IP6K3: variants seen among roughly 807,000 people sequenced by gnomAD.
IP6K3 encodes ATP:1D-myo-inositol-hexakisphosphate phosphotransferase.
Under a neutral mutation model 28.8 loss-of-function variants are expected in IP6K3, and 20 were observed. That is an observed-to-expected ratio of 0.70 (90% CI 0.49 to 1.01). IP6K3 has a LOEUF of 1.01. IP6K3 is among the 50% of genes least tolerant of loss of function. The pLI, the probability that IP6K3 is intolerant of heterozygous loss-of-function variation, is 0.00. For missense variants in IP6K3, 480 were observed against 537.1 expected (o/e 0.89, Z 1.05); for synonymous variants, 213 against 221.3 (o/e 0.96, Z 0.33).
In IP6K3 at chr6:33,728,261, T is replaced by C. The variant is rs766785054; in HGVS notation, c.239A>G (p.His80Arg). ...TVHLWKDSTG[H>R]LSLVANPVKE... ...CACTGGGTTGGCAACCAAGCTGAGATGGCCTGTGCTGTCTTTCCAGAGGTG... is the reference window on the plus strand; with the variant it reads ...CACTGGGTTGGCAACCAAGCTGAGACGGCCTGTGCTGTCTTTCCAGAGGTG... Residue 80 changes from histidine (H) to arginine (R), a missense_variant, in exon 3 of 6, where the codon CAT becomes CGT. Transcript: ENST00000293756. 3.1e-6 allele frequency: 5 copies of C among 1,614,198 alleles called. No homozygotes were observed. In the South Asian group the frequency reaches 5.5e-5, roughly 18 times the overall value.
intron 2 of IP6K3, among the ~76,000 whole-genome samples, chr6:33,731,825 T>C (rs1166902561): frequency 6.6e-6 from 1 of 152,020 alleles, no homozygotes; most frequent in African/African-American, 2.4e-5. Context: ...GGACAAGGCC[T>C]TGGAGGCCCA....
chr6:33,760,978 T>A, the IP6K3 span, among the ~76,000 whole-genome samples: 48,792 of 150,510 alleles, frequency 0.32, 9,366 homozygotes, highest in East Asian at 0.75. Context: ...CAAACCTACT[T>A]GTAGGTGAGA....
intron 1 of IP6K3, among the ~76,000 whole-genome samples, chr6:33,736,419 T>C (rs1004451711): frequency 6.6e-6 from 1 of 151,552 alleles, no homozygotes; most frequent in Non-Finnish European, 1.5e-5. Context: ...TATTTATTTA[T>C]TTAGAGACAG....
rs1766141079 is a variant in IP6K3 at position 33,726,920 on chromosome 6, G to T, written c.414-14C>A. ...GCCTTGGCCGGGCTGCGGCGGAGTG[G>T]AGCACAGGACGGTCAGAGCAGAGGT... On this transcript the variant is annotated splice_polypyrimidine_tract_variant and intron_variant, in intron 3 of 5. Transcript: ENST00000293756. 6.3e-7 allele frequency: 1 copy of T among 1,590,350 alleles called. No homozygotes were observed. Among genetic ancestry groups the T allele is most frequent in the Non-Finnish European group, 8.6e-7 (1 of 1,162,844 alleles).
chr6:33,759,495 G>A, the IP6K3 span, among the ~76,000 whole-genome samples: 7 of 152,176 alleles, frequency 4.6e-5, no homozygotes, highest in East Asian at 1.9e-4. Flanking sequence ...CTCCCGAAGC[G>A]TGGGGTTTAC....
intron 1 of IP6K3, among the ~76,000 whole-genome samples, chr6:33,743,306 G>A (rs887168224): frequency 6.6e-6 from 1 of 152,222 alleles, no homozygotes; most frequent in Non-Finnish European, 1.5e-5. Flanking sequence ...GTGGCAGACG[G>A]CAAAGCAGCA....
In IP6K3 at chr6:33,746,063, A is replaced by C. The variant is rs1208371126; in HGVS notation, c.-180+695T>G. On this transcript the variant is annotated intron_variant, in intron 1 of 5. Coordinates refer to ENST00000293756, the MANE Select transcript of IP6K3 (RefSeq NM_054111.5). The surrounding 1 kb of genome is among the most constrained non-coding windows in gnomAD (Gnocchi z 6.5). ...ATGGGGGGTTTAAGGCCCCCAAGGCAAGCTCAGTTCTCAGGTTCACTAGGG... is the reference window on the plus strand; with the variant it reads ...ATGGGGGGTTTAAGGCCCCCAAGGCCAGCTCAGTTCTCAGGTTCACTAGGG... Among the ~76,000 whole-genome samples the C allele has an allele frequency of 6.6e-6, 1 of 152,174 alleles. No individual in the cohort carries two copies. The highest frequency in any genetic ancestry group is 1.5e-5 in the Non-Finnish European group (1 of 68,024).
intron 2 of IP6K3, among the ~76,000 whole-genome samples, chr6:33,733,115 C>T (rs1461261342): frequency 4.6e-5 from 7 of 152,248 alleles, no homozygotes; most frequent in Admixed American, 2.0e-4. Flanking sequence ...TAGGTGGTTT[C>T]TGAAGGGTGT....
At chr6:33,743,092 C>T (rs1766784188) in intron 1 of IP6K3, among the ~76,000 whole-genome samples, 2 of 152,172 alleles carry the variant, frequency 1.3e-5, no homozygotes, top group East Asian at 1.9e-4. Context: ...TGGAGGGGGA[C>T]GGAGAGTGAG....
chr6:33,743,589 A>G (rs1055213520), intron 1 of IP6K3, among the ~76,000 whole-genome samples: 19 of 152,152 alleles, frequency 1.2e-4, no homozygotes, highest in African/African-American at 4.1e-4. Context: ...TCCAGGGGGA[A>G]AAATGGAGTT....
chr6:33,731,747 G>C (rs1435806893), intron 2 of IP6K3, among the ~76,000 whole-genome samples: 1 of 152,068 alleles, frequency 6.6e-6, no homozygotes, highest in East Asian at 1.9e-4. Flanking sequence ...CAGGCTTCTC[G>C]GTGCTTGACC....
chr6:33,758,655 A>C, the IP6K3 span, among the ~76,000 whole-genome samples: 1 of 152,130 alleles, frequency 6.6e-6, no homozygotes, highest in Non-Finnish European at 1.5e-5. Flanking sequence ...GCTGGAGTGC[A>C]GTGGCGCGAA....
chr6:33,740,920 T>G (rs12206523), intron 1 of IP6K3, among the ~76,000 whole-genome samples: 5,315 of 152,310 alleles, frequency 0.035, 125 homozygotes, highest in Non-Finnish European at 0.05. Flanking sequence ...CCTGCTGGCT[T>G]CTTATATCCG....
At chr6:33,758,147 G>A in the IP6K3 span, among the ~76,000 whole-genome samples, 1 of 152,156 alleles carries the variant, frequency 6.6e-6, no homozygotes, top group African/African-American at 2.4e-5. Context: ...GATTACCGGA[G>A]GTATGTGACT....
intron 3 of IP6K3, among the ~76,000 whole-genome samples, chr6:33,727,478 T>C (rs1020578497): frequency 6.6e-6 from 1 of 152,238 alleles, no homozygotes; most frequent in Non-Finnish European, 1.5e-5. Context: ...GCAGCACTCC[T>C]TGGGAAGGGA....
rs1765931942 is a variant in IP6K3, at chr6:33,722,364, CG to C, written c.*355del. The C allele has an allele frequency of 5.5e-6, 1 of 182,476 alleles. No homozygotes were observed. Among genetic ancestry groups the C allele is most frequent in the Admixed American group, 5.3e-5 (1 of 18,694 alleles). 11.3% of individuals were successfully genotyped at this position (182,476 alleles called of 1,614,324 possible). A position where few individuals can be genotyped will look rare whatever the true frequency, so the allele number is the denominator to read the frequency against. ...CAAGTTTTCTGCCTCACAGCTTGTG[CG>C]GACTGCAGCATGGCAACGAGTAAAC... On this transcript the variant is annotated 3_prime_UTR_variant, in exon 6 of 6. Coordinates refer to ENST00000293756, the MANE Select transcript of IP6K3 (RefSeq NM_054111.5).
At chr6:33,749,959 C>T (rs908518944), upstream of IP6K3, among the ~76,000 whole-genome samples, 1 of 152,062 alleles carries the variant, frequency 6.6e-6, no homozygotes, top group African/African-American at 2.4e-5. Context: ...AGGAGAAAAC[C>T]CCTTGGGCTC....
At chr6:33,753,660 A>G in the IP6K3 span, among the ~76,000 whole-genome samples, 171 of 152,280 alleles carry the variant, frequency 1.1e-3, no homozygotes, top group African/African-American at 3.9e-3. Flanking sequence ...GCCCATTTCA[A>G]CTGAAGCCAG....
intron 1 of IP6K3, among the ~76,000 whole-genome samples, chr6:33,736,608 GT>G (rs1341710850): frequency 6.6e-6 from 1 of 152,126 alleles, no homozygotes; most frequent in Non-Finnish European, 1.5e-5. Flanking sequence ...GTTTCGCCAT[GT>G]TGGCCAGGCT....
Sources: gnomAD v4.1 joint callset for allele counts (sites outside exome capture counted in the v4.1 genomes callset) on GRCh38, gnomAD v4.1.1 for gene constraint, Gnocchi (gnomAD v3.1) non-coding constraint, MANE v1.5 for transcripts, NCBI Gene and HGNC (gene_info 2026-07-23, HGNC 2026-07-21) for gene names.